The following STXBP5L variants were observed in gnomAD, a reference collection of about 807,000 sequenced individuals.
STXBP5L encodes the protein syntaxin binding protein 5L.
In STXBP5L, 65 loss-of-function variants were observed where a neutral mutation model predicts 144.5. The observed-to-expected ratio is 0.45, with a 90% CI of 0.37 to 0.55. The LOEUF is 0.55. Among genes scored for constraint, STXBP5L ranks in the 20% least tolerant of loss-of-function variants. The probability of loss-of-function intolerance (pLI) is 0.00; values close to 1 mark genes in which losing one functional copy is unlikely to be tolerated. For missense variants in STXBP5L, 1,298 were observed against 1,405.5 expected (o/e 0.92, Z 1.22); for synonymous variants, 505 against 469.6 (o/e 1.08, Z -0.97).
At chr3:121,144,832 A>G (rs1416534053) in intron 7 of STXBP5L, among the ~76,000 whole-genome samples, 1 of 151,966 alleles carries the variant, frequency 6.6e-6, no homozygotes, top group African/African-American at 2.4e-5. Flanking sequence ...GCCTTAATAA[A>G]TAAGGAAATT....
chr3:120,974,837 A>T (rs1231974954), intron 3 of STXBP5L, among the ~76,000 whole-genome samples: 1 of 152,148 alleles, frequency 6.6e-6, no homozygotes, highest in African/African-American at 2.4e-5. Context: ...AGGTTTGTCA[A>T]AGATCAGATA....
chr3:121,050,610 G>T (rs1207053477), intron 5 of STXBP5L, among the ~76,000 whole-genome samples: 1 of 152,120 alleles, frequency 6.6e-6, no homozygotes, highest in East Asian at 1.9e-4. Flanking sequence ...GGAACAACCG[G>T]TACCAGCCAC....
intron 9 of STXBP5L, among the ~76,000 whole-genome samples, chr3:121,198,521 C>A (rs867071014): frequency 1.3e-5 from 2 of 152,122 alleles, no homozygotes; most frequent in Non-Finnish European, 2.9e-5. Flanking sequence ...GCTTTTGTTG[C>A]CATTGCTTTT....
chr3:120,985,355 A>C (rs778951894), intron 3 of STXBP5L, among the ~76,000 whole-genome samples: 51 of 152,164 alleles, frequency 3.4e-4, no homozygotes, highest in South Asian at 8.3e-4. Flanking sequence ...TGATGTATGT[A>C]TACATGGCAA....
intron 20 of STXBP5L, among the ~76,000 whole-genome samples, chr3:121,325,881 G>A (rs2044127855): frequency 6.6e-6 from 1 of 151,624 alleles, no homozygotes. Flanking sequence ...AGATTCTATA[G>A]CTTTCCCAAG....
intron 10 of STXBP5L, among the ~76,000 whole-genome samples, chr3:121,209,080 C>G (rs2048453374): frequency 6.6e-6 from 1 of 152,008 alleles, no homozygotes; most frequent in Non-Finnish European, 1.5e-5. Flanking sequence ...CATCCATGTC[C>G]CTGCAAAGGA....
intron 20 of STXBP5L, among the ~76,000 whole-genome samples, chr3:121,321,518 G>A (rs2043969936): frequency 6.6e-6 from 1 of 152,138 alleles, no homozygotes; most frequent in South Asian, 2.1e-4. Flanking sequence ...ACTACATTCT[G>A]TAATCTCTTG....
chr3:120,974,028 A>G (rs946596432), intron 3 of STXBP5L, among the ~76,000 whole-genome samples: 11 of 152,184 alleles, frequency 7.2e-5, no homozygotes, highest in Non-Finnish European at 1.3e-4. Flanking sequence ...TTATAGCAGC[A>G]TGATTTATAG....
At chr3:120,960,236 A>G (rs1277137762) in intron 3 of STXBP5L, among the ~76,000 whole-genome samples, 1 of 152,176 alleles carries the variant, frequency 6.6e-6, no homozygotes, top group African/African-American at 2.4e-5. Context: ...TTAGAATGGC[A>G]ATCATTAAAA....
At chr3:121,131,948 A>G (rs2045009112) in intron 7 of STXBP5L, among the ~76,000 whole-genome samples, 1 of 152,212 alleles carries the variant, frequency 6.6e-6, no homozygotes, top group African/African-American at 2.4e-5. Context: ...CCCTCTTACC[A>G]GAAACCTTGC....
Position 121,314,655 on chromosome 3 carries a change from G to A in STXBP5L, c.2111-3820G>A, listed in dbSNP as rs553417354. 6.6e-5 allele frequency among the ~76,000 whole-genome samples: 10 copies of A among 152,108 alleles called. No homozygotes were observed. The South Asian group carries it at 2.1e-3, about 32-fold the overall frequency. On this transcript the variant is annotated intron_variant, in intron 19 of 26. Transcript: ENST00000471454. ...GGAGAGCGTAAGCGTAAACTAAAGA[G>A]CTTCTGCACAGCAAAAGAAACTACC...
chr3:121,050,246 C>CT lies in STXBP5L; in HGVS notation c.470+4720dup, dbSNP rs887020727. On this transcript the variant is annotated intron_variant, in intron 5 of 26. Transcript: ENST00000471454. ...CTCACGCCAAATCTCTAAACTTAGT[C>CT]TTTTTTTTTAAGAGGAAAGGAATTT... 7.1e-4 allele frequency among the ~76,000 whole-genome samples: 108 copies of CT among 151,190 alleles called. 1 individual carries two copies. The highest frequency in any genetic ancestry group is 7.4e-4 in the Non-Finnish European group (50 of 67,708).
chr3:121,093,494 G>A lies in STXBP5L; in HGVS notation c.471-21431G>A, dbSNP rs1158669779. 3.9e-5 allele frequency among the ~76,000 whole-genome samples: 6 copies of A among 152,290 alleles called. No homozygotes were observed. In the East Asian group the frequency reaches 9.6e-4, roughly 24 times the overall value. On this transcript the variant is annotated intron_variant, in intron 5 of 26. Transcript: ENST00000471454. ...AGAGATTCAACTTCTTCCTGGTTTAGTCTTGGGAGGGTATATGTGTCGAGG... is the reference window on the plus strand; with the variant it reads ...AGAGATTCAACTTCTTCCTGGTTTAATCTTGGGAGGGTATATGTGTCGAGG...
intron 3 of STXBP5L, among the ~76,000 whole-genome samples, chr3:120,957,102 C>A (rs1938118613): frequency 6.6e-6 from 1 of 151,922 alleles, no homozygotes. Flanking sequence ...ATGGTACTGG[C>A]ACCCTTGTCA....
intron 5 of STXBP5L, among the ~76,000 whole-genome samples, chr3:121,110,190 C>T (rs920767627): frequency 1.3e-5 from 2 of 152,090 alleles, no homozygotes; most frequent in African/African-American, 2.4e-5. Flanking sequence ...TTAATTGGGG[C>T]ATTTAGCTCA....
intron 5 of STXBP5L, among the ~76,000 whole-genome samples, chr3:121,055,660 C>T (rs372330830): frequency 2.5e-4 from 38 of 149,730 alleles, no homozygotes; most frequent in African/African-American, 9.1e-4. Flanking sequence ...TGGGCATGTG[C>T]TACCATACCC....
chr3:121,415,803 A>T, intron 24 of STXBP5L, 54 bp from the exon 25 acceptor site: 3 of 1,225,452 alleles, frequency 2.4e-6, no homozygotes, highest in Admixed American at 1.9e-5. Flanking sequence ...ACCTTTTTGT[A>T]TATTAATTGA....
intron 9 of STXBP5L, among the ~76,000 whole-genome samples, chr3:121,193,239 C>T (rs572500251): frequency 2.8e-5 from 4 of 143,112 alleles, no homozygotes; most frequent in Admixed American, 2.7e-4. Flanking sequence ...CATCACTGGC[C>T]GTCAGAGAAA....
At chr3:121,043,479 G>A (rs1445302155) in intron 4 of STXBP5L, among the ~76,000 whole-genome samples, 3 of 152,124 alleles carry the variant, frequency 2.0e-5, no homozygotes, top group Non-Finnish European at 4.4e-5. Context: ...GGGAAGTTAA[G>A]GTGGGTGGAT....
Sources: allele counts gnomAD v4.1 joint callset (sites outside exome capture counted in the v4.1 genomes callset), GRCh38; gene constraint gnomAD v4.1.1; transcripts MANE v1.5; gene names NCBI Gene and HGNC (gene_info 2026-07-23, HGNC 2026-07-21).